Variants in PKNOX2 observed in about 807,000 individuals in gnomAD.
The protein encoded by PKNOX2 is homeobox protein PKNOX2.
In PKNOX2, 14 loss-of-function variants were observed where a neutral mutation model predicts 53.1. The observed-to-expected ratio is 0.26, with a 90% CI of 0.17 to 0.41. The LOEUF (loss-of-function observed/expected upper bound fraction) is 0.41, where lower values mean the gene tolerates loss of function less well. Among genes scored for constraint, PKNOX2 ranks in the 10% least tolerant of loss-of-function variants. PKNOX2 has a pLI of 1.00. For synonymous variants in PKNOX2, 257 were observed against 242.8 expected, an observed-to-expected ratio of 1.06 and a Z score of -0.54; for missense variants, 496 against 602.8, an observed-to-expected ratio of 0.82 and a Z score of 1.85.
At chr11:125,320,795 C>T (rs146946411) in intron 2 of PKNOX2, among the ~76,000 whole-genome samples, 1 of 152,300 alleles carries the variant, frequency 6.6e-6, no homozygotes, top group East Asian at 1.9e-4. Context: ...GTGCTGCCTC[C>T]TGGAGGGAGG....
chr11:125,291,656 C>A (rs1482479589), intron 2 of PKNOX2, among the ~76,000 whole-genome samples: 1 of 152,170 alleles, frequency 6.6e-6, no homozygotes, highest in Non-Finnish European at 1.5e-5. Context: ...AAGGCAAAAG[C>A]ACCTCAAGTA....
intron 2 of PKNOX2, among the ~76,000 whole-genome samples, chr11:125,251,696 A>T (rs11219991): frequency 0.52 from 78,036 of 151,032 alleles, 20,772 homozygotes; most frequent in East Asian, 0.73. Context: ...TCCCAACCCA[A>T]CCTCTCTTCC....
At chr11:125,194,270 T>C (rs1231877045) in intron 1 of PKNOX2, among the ~76,000 whole-genome samples, 1 of 152,178 alleles carries the variant, frequency 6.6e-6, no homozygotes, top group Non-Finnish European at 1.5e-5. Context: ...GCAGTTGGCA[T>C]CCCCTTCCCC....
At chr11:125,302,991 C>T (rs1276988122) in intron 2 of PKNOX2, among the ~76,000 whole-genome samples, 1 of 152,110 alleles carries the variant, frequency 6.6e-6, no homozygotes, top group Non-Finnish European at 1.5e-5. Flanking sequence ...AGCTTAGGGC[C>T]CCAGCAGCCC....
At chr11:125,181,165 T>C (rs974167405) in intron 1 of PKNOX2, among the ~76,000 whole-genome samples, 20 of 152,248 alleles carry the variant, frequency 1.3e-4, no homozygotes, top group African/African-American at 4.6e-4. Flanking sequence ...CTTTCACATT[T>C]AAGTAACCTG....
intron 3 of PKNOX2, among the ~76,000 whole-genome samples, chr11:125,333,549 T>TACAC (rs57352759): frequency 0.051 from 7,195 of 142,284 alleles, 340 homozygotes; most frequent in African/African-American, 0.12. Flanking sequence ...CACACACACA[T>TACAC]ACACACACAC....
At chr11:125,282,778 C>T (rs1256330707) in intron 2 of PKNOX2, among the ~76,000 whole-genome samples, 2 of 152,180 alleles carry the variant, frequency 1.3e-5, no homozygotes, top group Non-Finnish European at 2.9e-5. Flanking sequence ...CTGTGCTGGC[C>T]AATTTGGTAG....
In PKNOX2 at chr11:125,240,026, T is replaced by C. The variant is rs1176560093; in HGVS notation, c.-130+4911T>C. ...GATTCCTGCCTCCTGAGCTAGGAGA[T>C]TGCAATTTACATTATGCAAATAGAC... On this transcript the variant is annotated intron_variant, in intron 2 of 12. Coordinates refer to ENST00000298282, the MANE Select transcript of PKNOX2 (RefSeq NM_001382323.2). The surrounding 1 kb of genome is among the most constrained non-coding windows in gnomAD (Gnocchi z 4.3). 1.3e-5 allele frequency: 2 copies of C among 152,224 alleles called. No homozygotes were observed. Among genetic ancestry groups the C allele is most frequent in the African/African-American group, 2.4e-5 (1 of 41,460 alleles). The allele number at this position is 152,224 out of a possible 1,614,324, so 9.4% of individuals were successfully genotyped here.
chr11:125,296,922 T>A (rs1329782345), intron 2 of PKNOX2, among the ~76,000 whole-genome samples: 2 of 152,180 alleles, frequency 1.3e-5, no homozygotes, highest in East Asian at 3.9e-4. Context: ...GGGCGAGCCA[T>A]GGCGCTCAGC....
At position 125,370,026 on chromosome 11, in the gene PKNOX2, A is replaced by G. The variant is rs1233465307; in HGVS notation, c.227+2041A>G. ...CAGGGGATTCCTATGCATACTGAAG[A>G]CTCACCTCGCAGCTGCTCAGACCCC... On this transcript the variant is annotated intron_variant, in intron 5 of 12. Coordinates refer to ENST00000298282, the MANE Select transcript of PKNOX2 (RefSeq NM_001382323.2). The surrounding 1 kb of genome is among the most constrained non-coding windows in gnomAD (Gnocchi z 4.1). Among the ~76,000 whole-genome samples the G allele has an allele frequency of 1.3e-5, 2 of 151,826 alleles. No individual in the cohort carries two copies. The highest frequency in any genetic ancestry group is 2.9e-5 in the Non-Finnish European group (2 of 67,950).
At chr11:125,304,200 T>C (rs1168294046) in intron 2 of PKNOX2, among the ~76,000 whole-genome samples, 1 of 151,838 alleles carries the variant, frequency 6.6e-6, no homozygotes, top group African/African-American at 2.4e-5. Flanking sequence ...CTAGAAGAGG[T>C]GATGTCCTAA....
chr11:125,431,332 C>T lies in PKNOX2; in HGVS notation c.1359C>T (p.Asp453=), dbSNP rs371098213. The T allele has an allele frequency of 6.1e-5, 99 of 1,613,496 alleles. No individual in the cohort carries two copies. The Middle Eastern group carries it at 6.6e-4, about 11-fold the overall frequency. Residue 453 remains aspartate (D), a synonymous_variant, in exon 13 of 13, where the codon GAC becomes GAT. Coordinates refer to ENST00000298282, the MANE Select transcript of PKNOX2 (RefSeq NM_001382323.2). The part of the protein sequence containing the change: ...EEEEELEEEV[D]ELQTTNVSDL... Reference sequence around the variant, plus strand: ...AGGAGGAGCTGGAGGAGGAGGTCGACGAGCTGCAGACGACAAATGTCAGCG... The same window carrying T: ...AGGAGGAGCTGGAGGAGGAGGTCGATGAGCTGCAGACGACAAATGTCAGCG...
intron 2 of PKNOX2, among the ~76,000 whole-genome samples, chr11:125,235,667 C>A (rs1215608503): frequency 6.6e-6 from 1 of 152,244 alleles, no homozygotes; most frequent in Non-Finnish European, 1.5e-5. Context: ...GTCTACCCAC[C>A]TGTGGGACCC....
intron 6 of PKNOX2, among the ~76,000 whole-genome samples, chr11:125,390,631 A>G (rs1390259012): frequency 6.6e-6 from 1 of 152,238 alleles, no homozygotes; most frequent in African/African-American, 2.4e-5. Flanking sequence ...ACCCCTATGA[A>G]GTAGTTGTTA....
At chr11:125,189,447 G>GTGTGTA (rs1256963392) in intron 1 of PKNOX2, among the ~76,000 whole-genome samples, 5 of 23,462 alleles carry the variant, frequency 2.1e-4, no homozygotes, top group African/African-American at 7.8e-4. Context: ...GTGTGTGTGT[G>GTGTGTA]TATATATATA....
At chr11:125,284,000 C>G (rs1026436897) in intron 2 of PKNOX2, among the ~76,000 whole-genome samples, 3 of 152,140 alleles carry the variant, frequency 2.0e-5, no homozygotes, top group African/African-American at 7.2e-5. Flanking sequence ...TAAGATGTGG[C>G]TCAAAATTAG....
At chr11:125,409,676 G>C (rs2135536688) in intron 7 of PKNOX2, among the ~76,000 whole-genome samples, 1 of 152,254 alleles carries the variant, frequency 6.6e-6, no homozygotes, top group East Asian at 1.9e-4. Flanking sequence ...GGACGGGAAA[G>C]CATCAGGAGA....
At chr11:125,174,508 C>G (rs1955556960) in intron 1 of PKNOX2, among the ~76,000 whole-genome samples, 3 of 152,228 alleles carry the variant, frequency 2.0e-5, no homozygotes, top group Non-Finnish European at 4.4e-5. Flanking sequence ...CAAGTCTATT[C>G]TCCTACGACT....
chr11:125,304,877 C>T (rs1037518165), intron 2 of PKNOX2, among the ~76,000 whole-genome samples: 20 of 152,162 alleles, frequency 1.3e-4, no homozygotes, highest in Non-Finnish European at 2.4e-4. Flanking sequence ...CCATGTGTAG[C>T]GTCAGACAAT....
Sources: allele counts gnomAD v4.1 joint callset (sites outside exome capture counted in the v4.1 genomes callset), GRCh38; gene constraint gnomAD v4.1.1; non-coding constraint Gnocchi (gnomAD v3.1); transcripts MANE v1.5; gene names NCBI Gene and HGNC (gene_info 2026-07-23, HGNC 2026-07-21).